PTPN4: variants seen among roughly 807,000 people sequenced by gnomAD.
The protein encoded by PTPN4 is tyrosine-protein phosphatase non-receptor type 4.
In PTPN4, 49 loss-of-function variants were observed where a neutral mutation model predicts 135.5. The observed-to-expected ratio is 0.36, with a 90% CI of 0.29 to 0.46. The LOEUF is 0.46. Ranked by LOEUF, PTPN4 falls within the 20% of genes least tolerant of loss-of-function variation. The probability of loss-of-function intolerance (pLI) is 1.00; values close to 1 mark genes in which losing one functional copy is unlikely to be tolerated. For missense variants in PTPN4, 860 were observed against 1,101.0 expected, an observed-to-expected ratio of 0.78 and a Z score of 3.10; for synonymous variants, 333 against 369.9, an observed-to-expected ratio of 0.90 and a Z score of 1.14.
At chr2:119,933,547 G>T (rs2136833) in intron 14 of PTPN4, among the ~76,000 whole-genome samples, 85,937 of 151,138 alleles carry the variant, frequency 0.57, 26,284 homozygotes, top group East Asian at 0.8. Context: ...GAGCATGGTG[G>T]CGTGCACCTG....
chr2:119,784,583 T>C (rs1691010470), intron 1 of PTPN4, among the ~76,000 whole-genome samples: 1 of 151,794 alleles, frequency 6.6e-6, no homozygotes, highest in Admixed American at 6.6e-5. Flanking sequence ...GAGACAGGGT[T>C]TCGCTGTGTT....
intron 19 of PTPN4, among the ~76,000 whole-genome samples, chr2:119,953,340 A>G (rs997583422): frequency 6.6e-6 from 1 of 152,200 alleles, no homozygotes; most frequent in African/African-American, 2.4e-5. Context: ...TTTTGCAAGG[A>G]TATTTCTTTT....
chr2:119,946,858 CAG>C (rs1318771313), intron 18 of PTPN4, among the ~76,000 whole-genome samples: 2 of 152,026 alleles, frequency 1.3e-5, no homozygotes, highest in Admixed American at 6.6e-5. Context: ...AAAATATAGA[CAG>C]AGGTATAGTT....
chr2:119,914,672 T>G (rs1678625339), intron 10 of PTPN4, among the ~76,000 whole-genome samples: 1 of 152,194 alleles, frequency 6.6e-6, no homozygotes, highest in Non-Finnish European at 1.5e-5. Context: ...GTTTACTGTG[T>G]TACTTATTTT....
At chr2:119,800,470 G>T (rs1691342301) in intron 1 of PTPN4, among the ~76,000 whole-genome samples, 1 of 147,136 alleles carries the variant, frequency 6.8e-6, no homozygotes. Flanking sequence ...GTTGAGTTCT[G>T]AGAGTTTATT....
chr2:119,825,081 A>G (rs762177882), intron 2 of PTPN4, among the ~76,000 whole-genome samples: 2 of 152,216 alleles, frequency 1.3e-5, no homozygotes, highest in Non-Finnish European at 2.9e-5. Context: ...ATTTCTATAA[A>G]CTGAATAACT....
rs1678633783 is a variant in PTPN4 at position 119,915,159 on chromosome 2, A to G, written c.765-20A>G. 1 of 1,500,956 alleles carries G rather than the reference A, an allele frequency of 6.7e-7. No individual in the cohort carries two copies. The highest frequency in any genetic ancestry group is 2.4e-5 in the East Asian group (1 of 41,292). 93.0% of individuals were successfully genotyped at this position (1,500,956 alleles called of 1,614,324 possible). A position where few individuals can be genotyped will look rare whatever the true frequency, so the allele number is the denominator to read the frequency against. ...TTATCATTATTCAATACTTTGAATA[A>G]TTTATTGTCTTTTGTCCAGGTTGAA... On this transcript the variant is annotated intron_variant, in intron 10 of 26. Coordinates refer to ENST00000263708, the MANE Select transcript of PTPN4 (RefSeq NM_002830.4).
rs1270492513 is a variant in PTPN4, at chr2:119,760,247, G to C, written c.-155G>C. ...TGCTGGCGGCTCCGGGTCGTGGCGC[G>C]ACCGCTGCGGCGGCGGCTGCTCGGG... is the stretch of plus-strand genomic sequence containing the variant. On this transcript the variant is annotated 5_prime_UTR_variant, in exon 1 of 27. Transcript: ENST00000263708. The C allele has an allele frequency of 1.8e-5, 7 of 396,372 alleles. No homozygotes were observed. 24.6% of individuals were successfully genotyped at this position (396,372 alleles called of 1,614,324 possible). A position where few individuals can be genotyped will look rare whatever the true frequency, so the allele number is the denominator to read the frequency against.
chr2:119,839,835 T>A (rs1472974826), intron 2 of PTPN4, among the ~76,000 whole-genome samples: 2 of 152,226 alleles, frequency 1.3e-5, no homozygotes, highest in East Asian at 3.8e-4. Context: ...TAAAATTTTG[T>A]CATCAGTATG....
At chr2:119,840,570 A>G (rs544747767) in intron 2 of PTPN4, among the ~76,000 whole-genome samples, 2 of 152,318 alleles carry the variant, frequency 1.3e-5, no homozygotes, top group African/African-American at 4.8e-5. Flanking sequence ...TATCTCTACA[A>G]TAGAATGATT....
At chr2:119,901,565 C>T (rs1678403863) in intron 10 of PTPN4, among the ~76,000 whole-genome samples, 1 of 152,096 alleles carries the variant, frequency 6.6e-6, no homozygotes, top group African/African-American at 2.4e-5. Flanking sequence ...ATATCATATC[C>T]AGCATTTAGC....
At chr2:119,880,413 C>A (rs569751749) in intron 5 of PTPN4, among the ~76,000 whole-genome samples, 2 of 151,662 alleles carry the variant, frequency 1.3e-5, no homozygotes, top group East Asian at 1.9e-4. Context: ...TTACCAGGAA[C>A]CTTTAACTTT....
intron 12 of PTPN4, among the ~76,000 whole-genome samples, 199 bp from the exon 13 acceptor site, chr2:119,926,399 A>C (rs1213391907): frequency 1.3e-5 from 2 of 152,198 alleles, no homozygotes; most frequent in African/African-American, 4.8e-5. Flanking sequence ...ATCTTTCTTC[A>C]TTAATGGGAG....
chr2:119,796,490 A>G (rs1011140032), intron 1 of PTPN4, among the ~76,000 whole-genome samples: 1 of 151,996 alleles, frequency 6.6e-6, no homozygotes, highest in African/African-American at 2.4e-5. Flanking sequence ...TTTGTTTCTC[A>G]TTGTAATTAT....
intron 2 of PTPN4, among the ~76,000 whole-genome samples, chr2:119,818,636 T>G (rs962355132): frequency 6.6e-6 from 1 of 152,168 alleles, no homozygotes; most frequent in African/African-American, 2.4e-5. Context: ...CCTAAAAATA[T>G]TTGCTTTCTG....
intron 1 of PTPN4, among the ~76,000 whole-genome samples, chr2:119,784,665 G>A (rs1691012309): frequency 6.6e-6 from 1 of 151,200 alleles, no homozygotes; most frequent in Non-Finnish European, 1.5e-5. Flanking sequence ...GGGATTACAG[G>A]CATGAGCTAC....
At chr2:119,858,745 G>C (rs1677717263) in intron 2 of PTPN4, among the ~76,000 whole-genome samples, 1 of 151,882 alleles carries the variant, frequency 6.6e-6, no homozygotes, top group Admixed American at 6.6e-5. Context: ...CGGTTCTCCT[G>C]CCTCAGCCTC....
At chr2:119,975,189 G>A (rs375939611) in intron 26 of PTPN4, among the ~76,000 whole-genome samples, 1 of 152,056 alleles carries the variant, frequency 6.6e-6, no homozygotes, top group Non-Finnish European at 1.5e-5. Flanking sequence ...ACCACTCATC[G>A]CAGCCTCAAC....
At chr2:119,902,024 G>A (rs1044800875) in intron 10 of PTPN4, among the ~76,000 whole-genome samples, 1 of 152,218 alleles carries the variant, frequency 6.6e-6, no homozygotes, top group Admixed American at 6.5e-5. Context: ...TGAAAAAATA[G>A]TGGCTGATAG....
Sources: allele counts gnomAD v4.1 joint callset (sites outside exome capture counted in the v4.1 genomes callset), GRCh38; gene constraint gnomAD v4.1.1; transcripts MANE v1.5; gene names NCBI Gene and HGNC (gene_info 2026-07-23, HGNC 2026-07-21).